MEMO1: variants seen among roughly 807,000 people sequenced by gnomAD.
MEMO1 encodes the protein protein MEMO1.
Under a neutral mutation model 45.2 loss-of-function variants are expected in MEMO1, and 6 were observed. That is an observed-to-expected ratio of 0.13 (90% CI 0.07 to 0.26). The LOEUF (loss-of-function observed/expected upper bound fraction) is 0.26, where lower values mean the gene tolerates loss of function less well. MEMO1 is among the 10% of genes least tolerant of loss of function. The probability of loss-of-function intolerance (pLI) is 1.00; values close to 1 mark genes in which losing one functional copy is unlikely to be tolerated. For synonymous variants in MEMO1, 78 were observed against 124.3 expected, an observed-to-expected ratio of 0.63 and a Z score of 2.48; for missense variants, 184 against 370.5, an observed-to-expected ratio of 0.50 and a Z score of 4.13.
At chr2:31,962,089 C>T (rs1668071121) in intron 2 of MEMO1, among the ~76,000 whole-genome samples, 1 of 151,958 alleles carries the variant, frequency 6.6e-6, no homozygotes, top group East Asian at 1.9e-4. Flanking sequence ...TAAAATTGTT[C>T]AGGTTGATAC....
At chr2:31,959,962 C>G (rs755185265) in intron 2 of MEMO1, among the ~76,000 whole-genome samples, 1 of 152,122 alleles carries the variant, frequency 6.6e-6, no homozygotes, top group Non-Finnish European at 1.5e-5. Context: ...TGGTTCATGC[C>G]TACAATCCCA....
intron 4 of MEMO1, among the ~76,000 whole-genome samples, chr2:31,923,044 C>T (rs1463894427): frequency 3.3e-5 from 5 of 152,042 alleles, no homozygotes; most frequent in African/African-American, 7.2e-5. Flanking sequence ...TTTGAGAAAT[C>T]GCCACACTGT....
At chr2:31,946,183 C>T (rs1034530441) in intron 2 of MEMO1, among the ~76,000 whole-genome samples, 1 of 152,072 alleles carries the variant, frequency 6.6e-6, no homozygotes, top group African/African-American at 2.4e-5. Flanking sequence ...TACGTCGTTC[C>T]CAATATTTGA....
At chr2:31,926,376 G>GAAAAAAA (rs35245442) in intron 4 of MEMO1, among the ~76,000 whole-genome samples, 4 of 120,216 alleles carry the variant, frequency 3.3e-5, no homozygotes, top group Non-Finnish European at 3.5e-5. Flanking sequence ...TCTCAAAAGG[G>GAAAAAAA]AAAAAAAAAA....
chr2:31,896,457 A>G (rs1677830005), intron 6 of MEMO1, among the ~76,000 whole-genome samples: 2 of 152,216 alleles, frequency 1.3e-5, no homozygotes, highest in Admixed American at 1.3e-4. Flanking sequence ...AAAAGCAGGC[A>G]TAGACAATAT....
At chr2:31,975,101 G>A (rs961305830) in intron 2 of MEMO1, among the ~76,000 whole-genome samples, 4 of 151,416 alleles carry the variant, frequency 2.6e-5, no homozygotes, top group Admixed American at 6.6e-5. Flanking sequence ...GAAACTGGGA[G>A]GCAGAGGTTG....
chr2:31,915,794 G>T (rs1487816650), intron 6 of MEMO1, among the ~76,000 whole-genome samples: 2 of 152,128 alleles, frequency 1.3e-5, no homozygotes, highest in Non-Finnish European at 2.9e-5. Flanking sequence ...GGTGTTCTCT[G>T]CCCCAATTCC....
At chr2:31,891,149 A>G (rs1676914713) in intron 7 of MEMO1, among the ~76,000 whole-genome samples, 1 of 152,350 alleles carries the variant, frequency 6.6e-6, no homozygotes, top group Admixed American at 6.5e-5. Context: ...TATCTTAAAA[A>G]TTATGGTCTT....
intron 2 of MEMO1, among the ~76,000 whole-genome samples, chr2:31,960,553 T>G (rs922734478): frequency 5.9e-5 from 9 of 152,168 alleles, no homozygotes; most frequent in African/African-American, 2.2e-4. Context: ...AAAAGTTACT[T>G]TGGATAAAGT....
At chr2:31,891,358 A>G (rs946041753) in intron 7 of MEMO1, among the ~76,000 whole-genome samples, 2 of 152,172 alleles carry the variant, frequency 1.3e-5, no homozygotes, top group African/African-American at 4.8e-5. Context: ...AGGCATCCAC[A>G]AACAGCTCAC....
At chr2:31,979,433 C>A (rs1670389760) in intron 2 of MEMO1, among the ~76,000 whole-genome samples, 1 of 152,134 alleles carries the variant, frequency 6.6e-6, no homozygotes, top group South Asian at 2.1e-4. Flanking sequence ...TAAAAGTTAA[C>A]TAATACTAAA....
At chr2:31,970,414 G>A (rs1218150961) in intron 2 of MEMO1, among the ~76,000 whole-genome samples, 1 of 152,092 alleles carries the variant, frequency 6.6e-6, no homozygotes, top group Non-Finnish European at 1.5e-5. Context: ...TAATTTAGTT[G>A]ATCTCAGCCT....
chr2:31,965,656 T>C (rs757969431), intron 2 of MEMO1, among the ~76,000 whole-genome samples: 11 of 152,150 alleles, frequency 7.2e-5, no homozygotes, highest in South Asian at 2.1e-4. Flanking sequence ...AGGAATGAGA[T>C]CATGTCCTTT....
At chr2:31,907,786 A>AAC (rs3065385) in intron 6 of MEMO1, among the ~76,000 whole-genome samples, 65,359 of 145,150 alleles carry the variant, frequency 0.45, 14,662 homozygotes, top group Non-Finnish European at 0.5. Context: ...CCGTGTCTTA[A>AAC]ACACACACAC....
At chr2:31,902,877 A>G (rs1679074005) in intron 6 of MEMO1, among the ~76,000 whole-genome samples, 1 of 152,102 alleles carries the variant, frequency 6.6e-6, no homozygotes, top group Non-Finnish European at 1.5e-5. Flanking sequence ...AAACAGAAAC[A>G]CTGTATTACC....
chr2:31,918,135 A>T, intron 5 of MEMO1, 98 bp from the exon 6 acceptor site: 1 of 624,558 alleles, frequency 1.6e-6, no homozygotes, highest in Non-Finnish European at 2.5e-6. Context: ...GCTTTTTGGC[A>T]AGAGACAGAA....
In MEMO1 at chr2:32,010,249, T is replaced by C. The variant is rs1222865019; in HGVS notation, c.-2A>G. The C allele has an allele frequency of 1.2e-5, 18 of 1,501,248 alleles. No homozygotes were observed. The highest frequency in any genetic ancestry group is 1.5e-5 in the Non-Finnish European group (17 of 1,118,454). 93.0% of individuals were successfully genotyped at this position (1,501,248 alleles called of 1,614,324 possible). A position where few individuals can be genotyped will look rare whatever the true frequency, so the allele number is the denominator to read the frequency against. On this transcript the variant is annotated 5_prime_UTR_variant, in exon 2 of 10. Coordinates refer to ENST00000404530, the MANE Select transcript of MEMO1 (RefSeq NM_001301833.4). ...TCGGCAGACCACTCGGTTGGACATCTTGGTGCCTGTGCCGCCTATGGTGCA... is the reference window on the plus strand; with the variant it reads ...TCGGCAGACCACTCGGTTGGACATCCTGGTGCCTGTGCCGCCTATGGTGCA...
intron 2 of MEMO1, among the ~76,000 whole-genome samples, chr2:31,957,374 G>C (rs1323247137): frequency 6.6e-6 from 1 of 152,076 alleles, no homozygotes; most frequent in African/African-American, 2.4e-5. Flanking sequence ...TGTGGAAAAA[G>C]GCCTCTGAAT....
intron 8 of MEMO1, among the ~76,000 whole-genome samples, chr2:31,875,296 T>G (rs1332802954): frequency 6.6e-6 from 1 of 152,176 alleles, no homozygotes; most frequent in Admixed American, 6.5e-5. Flanking sequence ...AGATGCAAAC[T>G]TAGAAGTCAA....
Sources: allele counts gnomAD v4.1 joint callset (sites outside exome capture counted in the v4.1 genomes callset), GRCh38; gene constraint gnomAD v4.1.1; transcripts MANE v1.5; gene names NCBI Gene and HGNC (gene_info 2026-07-23, HGNC 2026-07-21).